Variants in SNX13 observed in about 807,000 individuals in gnomAD.
SNX13 encodes sorting nexin-13.
A neutral mutation model predicts 133.6 loss-of-function variants in SNX13; 45 were observed. The observed-to-expected ratio is 0.34, with a 90% CI of 0.27 to 0.43. SNX13 has a LOEUF of 0.43. Ranked by LOEUF, SNX13 falls within the 20% of genes least tolerant of loss-of-function variation. The pLI, the probability that SNX13 is intolerant of heterozygous loss-of-function variation, is 1.00. For synonymous variants in SNX13, 414 were observed against 373.9 expected (o/e 1.11, Z -1.24); for missense variants, 1,032 against 1,145.1 (o/e 0.90, Z 1.43).
At position 17,805,265 on chromosome 7, in the gene SNX13, G is replaced by GCGCGCGCGCGCGCGCGCA. The variant is rs771908159; in HGVS notation, c.2065-1686_2065-1685insTGCGCGCGCGCGCGCGCG. Reference sequence around the variant, plus strand: ...TGTGTGTGTGTGCGTGCGCGCGCGCGCATGCATGCACATGTGTAATTCTAA... The same window carrying GCGCGCGCGCGCGCGCGCA: ...TGTGTGTGTGTGCGTGCGCGCGCGCGCGCGCGCGCGCGCGCGCACATGCATGCACATGTGTAATTCTAA... On this transcript the variant is annotated intron_variant, in intron 20 of 25. Coordinates refer to ENST00000428135, the MANE Select transcript of SNX13 (RefSeq NM_015132.5). Among the ~76,000 whole-genome samples the GCGCGCGCGCGCGCGCGCA allele has an allele frequency of 1.1e-3, 167 of 146,074 alleles. 2 individuals are homozygous for GCGCGCGCGCGCGCGCGCA. Among genetic ancestry groups the GCGCGCGCGCGCGCGCGCA allele is most frequent in the South Asian group, 3.3e-3 (15 of 4,592 alleles).
intron 1 of SNX13, chr7:17,899,430 A>C (rs1797573641): frequency 6.6e-6 from 1 of 152,102 alleles, no homozygotes; most frequent in Non-Finnish European, 1.5e-5. Context: ...CTCCTCTTTA[A>C]GGACAATAAC....
intron 2 of SNX13, among the ~76,000 whole-genome samples, chr7:17,893,732 T>C (rs1415377988): frequency 1.3e-5 from 2 of 152,122 alleles, no homozygotes; most frequent in African/African-American, 2.4e-5. Context: ...CCCAGCACTT[T>C]GGGAGGCCAA....
chr7:17,847,577 A>G (rs962189446), intron 11 of SNX13, among the ~76,000 whole-genome samples: 2 of 152,226 alleles, frequency 1.3e-5, no homozygotes, highest in African/African-American at 4.8e-5. Context: ...AATTTTCAAA[A>G]CAAAACCACA....
intron 12 of SNX13, 33 bp downstream of exon 12, chr7:17,845,562 G>T: frequency 7.5e-7 from 1 of 1,326,386 alleles, no homozygotes; most frequent in Non-Finnish European, 1.0e-6. Flanking sequence ...AAATTCAATG[G>T]CTGTATCATT....
intron 5 of SNX13, among the ~76,000 whole-genome samples, chr7:17,886,326 T>C (rs1292823965): frequency 6.6e-6 from 1 of 152,002 alleles, no homozygotes; most frequent in Non-Finnish European, 1.5e-5. Flanking sequence ...TCCCAGCACT[T>C]TGGGAGGCTG....
rs752535012 is a variant in SNX13, at chr7:17,798,683, G to C, written c.2513+7C>G. 3 of 1,565,682 alleles carry C rather than the reference G, an allele frequency of 1.9e-6. No homozygotes were observed. The African/African-American group carries it at 4.1e-5, about 21-fold the overall frequency. On this transcript the variant is annotated splice_region_variant and intron_variant, in intron 24 of 25. Transcript: ENST00000428135. ...CCTGAAAGAAGTGACTGTGTCTTAA[G>C]ATATACCTGAAACGTTTCACTGAGT...
intron 19 of SNX13, among the ~76,000 whole-genome samples, chr7:17,815,504 G>A (rs1381818490): frequency 2.0e-5 from 3 of 152,096 alleles, no homozygotes; most frequent in East Asian, 1.9e-4. Flanking sequence ...ATGATCCCTC[G>A]AGCCCAGGAG....
At chr7:17,908,012 C>T (rs545650389) in intron 1 of SNX13, among the ~76,000 whole-genome samples, 9 of 152,268 alleles carry the variant, frequency 5.9e-5, no homozygotes, top group East Asian at 1.9e-4. Flanking sequence ...ACACACTGAA[C>T]GCTCCTACCT....
intron 9 of SNX13, among the ~76,000 whole-genome samples, chr7:17,856,785 T>TAAAAAAAAAAAAAAAAA (rs200753998): frequency 2.1e-5 from 2 of 97,556 alleles, no homozygotes; most frequent in South Asian, 3.2e-4. Context: ...GAGACTCTCT[T>TAAAAAAAAAAAAAAAAA]AAAAAAAAAA....
chr7:17,867,446 A>G (rs1263626316), intron 9 of SNX13, among the ~76,000 whole-genome samples: 2 of 152,010 alleles, frequency 1.3e-5, no homozygotes, highest in South Asian at 4.1e-4. Flanking sequence ...GTCTCTACCA[A>G]AAGTACAAAA....
intron 1 of SNX13, 69 bp downstream of exon 1, chr7:17,940,215 T>C (rs1029425026): frequency 7.9e-5 from 123 of 1,548,176 alleles, no homozygotes; most frequent in Middle Eastern, 5.0e-4. Context: ...ACAGATGATG[T>C]TCTCTGACGG....
chr7:17,875,148 A>G (rs1009596251), intron 7 of SNX13, among the ~76,000 whole-genome samples: 2 of 152,004 alleles, frequency 1.3e-5, no homozygotes, highest in African/African-American at 4.8e-5. Context: ...TCGTACTTTT[A>G]GTAGAGACAG....
At position 17,837,578 on chromosome 7, in the gene SNX13, A is replaced by T. The variant is rs138159648; in HGVS notation, c.1359+2229T>A. On this transcript the variant is annotated intron_variant, in intron 13 of 25. Coordinates refer to ENST00000428135, the MANE Select transcript of SNX13 (RefSeq NM_015132.5). ...AAACCATATATATGGCTTGTTTGGT[A>T]GGTAGATCAACTGTTTGTCAATCAG... 8.9e-4 allele frequency among the ~76,000 whole-genome samples: 135 copies of T among 152,168 alleles called. 1 individual carries two copies. The highest frequency in any genetic ancestry group is 3.1e-3 in the African/African-American group (127 of 41,534).
At chr7:17,817,085 T>A (rs1786749570) in intron 18 of SNX13, among the ~76,000 whole-genome samples, 1 of 152,192 alleles carries the variant, frequency 6.6e-6, no homozygotes, top group Non-Finnish European at 1.5e-5. Context: ...AACTCATAGA[T>A]TACACTAACC....
At position 17,940,385 on chromosome 7, in the gene SNX13, C is replaced by G. The variant is rs565462507; in HGVS notation, c.-90G>C. The G allele has an allele frequency of 4.2e-6, 6 of 1,443,358 alleles. No individual in the cohort carries two copies. Among genetic ancestry groups the G allele is most frequent in the South Asian group, 3.7e-5 (3 of 81,888 alleles). The allele number at this position is 1,443,358 out of a possible 1,614,324, so 89.4% of individuals were successfully genotyped here. A position where few individuals can be genotyped will look rare whatever the true frequency, so the allele number is the denominator to read the frequency against. On this transcript the variant is annotated 5_prime_UTR_variant, in exon 1 of 26. Transcript: ENST00000428135. Reference sequence around the variant, plus strand: ...CGAAAACTGCTCGGGCCGCCGCCAACGGCGGCAACTGCTCCTTCAGTCTTC... The same window carrying G: ...CGAAAACTGCTCGGGCCGCCGCCAAGGGCGGCAACTGCTCCTTCAGTCTTC...
In SNX13 at chr7:17,805,791, G is replaced by C. The variant is rs538767813; in HGVS notation, c.2065-2211C>G. Among the ~76,000 whole-genome samples the C allele has an allele frequency of 3.3e-5, 5 of 152,254 alleles. No individual in the cohort carries two copies. The South Asian group carries it at 1.0e-3, about 32-fold the overall frequency. On this transcript the variant is annotated intron_variant, in intron 20 of 25. Coordinates refer to ENST00000428135, the MANE Select transcript of SNX13 (RefSeq NM_015132.5). ...CTAATTAAAAATAGTTGTCTGTGTA[G>C]CATCCCAGAAGTACTGAAGCCTTTT...
In SNX13 at chr7:17,868,396, A is replaced by G; in HGVS notation, c.837+11T>C. The G allele has an allele frequency of 6.3e-7, 1 of 1,577,160 alleles. No homozygotes were observed. The highest frequency in any genetic ancestry group is 8.6e-7 in the Non-Finnish European group (1 of 1,157,532). On this transcript the variant is annotated intron_variant, in intron 9 of 25. Coordinates refer to ENST00000428135, the MANE Select transcript of SNX13 (RefSeq NM_015132.5). Reference sequence around the variant, plus strand: ...TTCTAAAACAGAGTTGTAATTTTAAAAGGCACCTACCATCCATATGACATA... The same window carrying G: ...TTCTAAAACAGAGTTGTAATTTTAAGAGGCACCTACCATCCATATGACATA...
rs533661591 is a variant in SNX13 at position 17,904,604 on chromosome 7, A to C, written c.13-7158T>G. 9.8e-5 allele frequency among the ~76,000 whole-genome samples: 15 copies of C among 152,304 alleles called. No individual in the cohort carries two copies. The South Asian group carries it at 2.5e-3, about 25-fold the overall frequency. ...GAACTTCGACTCTGAGATCAATCTC[A>C]CTAGAATGGGGTCAACCACTCTCCA... On this transcript the variant is annotated intron_variant, in intron 1 of 25. Transcript: ENST00000428135.
At chr7:17,823,911 G>A (rs1365630951) in intron 17 of SNX13, among the ~76,000 whole-genome samples, 1 of 152,000 alleles carries the variant, frequency 6.6e-6, no homozygotes, top group Admixed American at 6.6e-5. Context: ...AAAAGGAGAA[G>A]AGATATAAGA....
Sources: gnomAD v4.1 joint callset for allele counts (sites outside exome capture counted in the v4.1 genomes callset) on GRCh38, gnomAD v4.1.1 for gene constraint, MANE v1.5 for transcripts, NCBI Gene and HGNC (gene_info 2026-07-23, HGNC 2026-07-21) for gene names.